Variants in MROH7 observed in about 807,000 individuals in gnomAD.
The protein encoded by MROH7 is maestro heat like repeat family member 7, also known as maestro heat-like repeat-containing protein family member 7.
A neutral mutation model predicts 129.2 loss-of-function variants in MROH7; 113 were observed. The ratio of observed to expected loss-of-function variants is 0.87; its 90% CI spans 0.75 to 1.02. The LOEUF (loss-of-function observed/expected upper bound fraction) is 1.02. Among genes scored for constraint, MROH7 ranks in the 50% least tolerant of loss-of-function variants. The pLI is 0.00. For synonymous variants in MROH7, 655 were observed against 667.9 expected (o/e 0.98, Z 0.30); for missense variants, 1,601 against 1,671.3 (o/e 0.96, Z 0.73).
At chr1:54,648,405 G>T (rs1345294653) in intron 1 of MROH7, among the ~76,000 whole-genome samples, 2 of 150,114 alleles carry the variant, frequency 1.3e-5, no homozygotes. Context: ...CGCTCCTGTT[G>T]CCCAGGCTAG....
intron 1 of MROH7, among the ~76,000 whole-genome samples, chr1:54,645,809 C>T (rs1222612095): frequency 1.3e-5 from 2 of 151,738 alleles, no homozygotes; most frequent in South Asian, 2.1e-4. Flanking sequence ...CACACCACCA[C>T]ACCTGGCTAA....
intron 5 of MROH7, among the ~76,000 whole-genome samples, chr1:54,669,774 T>A (rs556145348): frequency 5.3e-5 from 8 of 150,564 alleles, no homozygotes; most frequent in African/African-American, 2.0e-4. Context: ...CCAAGGCAGG[T>A]GGATCCCTTG....
Position 54,700,414 on chromosome 1 carries a change from G to A in MROH7, c.3058G>A (p.Val1020Met). Residue 1020 changes from valine to methionine, a missense_variant, in exon 18 of 24, where the codon GTG becomes ATG. By Grantham distance (21) the Val-to-Met change is conservative. Transcript: ENST00000421030. ...GLSHHDPIMKVLSIRGLVILA... is the reference protein window; with the variant it reads ...GLSHHDPIMKMLSIRGLVILA... ...GAGCCACCACGACCCCATCATGAAG[G>A]TGCTGTCCATTCGAGGCCTGGTCAT... 6.2e-7 allele frequency: 1 copy of A among 1,612,850 alleles called. No individual in the cohort carries two copies.
At chr1:54,670,248 G>C (rs1166347878) in intron 5 of MROH7, among the ~76,000 whole-genome samples, 4 of 152,096 alleles carry the variant, frequency 2.6e-5, no homozygotes, top group Admixed American at 2.0e-4. Context: ...GCAGGAGGAT[G>C]GCTTGAGCTC....
At chr1:54,665,087 G>T in intron 3 of MROH7, 80 bp from the exon 4 acceptor site, 10 of 1,071,988 alleles carry the variant, frequency 9.3e-6, no homozygotes, top group Non-Finnish European at 1.3e-5. Context: ...GTGCCTAGAG[G>T]GGGAGGAGAG....
chr1:54,662,950 A>G (rs1413557440), intron 3 of MROH7, among the ~76,000 whole-genome samples: 3 of 152,186 alleles, frequency 2.0e-5, no homozygotes, highest in South Asian at 2.1e-4. Flanking sequence ...GATTCAGGCC[A>G]TGCATTTTTG....
chr1:54,665,241 G>T lies in MROH7; in HGVS notation c.1305+1G>T. 4 of 1,613,102 alleles carry T rather than the reference G, an allele frequency of 2.5e-6. No homozygotes were observed. The highest frequency in any genetic ancestry group is 2.5e-6 in the Non-Finnish European group (3 of 1,179,334). ...AGAAGGTGGCAACAACATGGCTCTG[G>T]TATGCCTCCTGCCCAACCCCTAGCT... On this transcript the variant is annotated splice_donor_variant, in intron 4 of 23. Transcript: ENST00000421030. LOFTEE classifies it high-confidence loss of function.
rs757560960 is a variant in MROH7 at position 54,653,594 on chromosome 1, G to T, written c.668G>T (p.Arg223Ile). The change falls in exon 3 of 24, where the codon AGA (arginine) becomes ATA (isoleucine). Residue 223 changes from arginine (R) to isoleucine (I), a missense_variant. Physicochemically the swap from Arg to Ile is moderately conservative, Grantham distance 97. Transcript: ENST00000421030. ...AATCCATTGCTCAACATGGGCTCAA[G>T]AAACACCTCCAAGCTGAACCTGAAT... ...DSNPLLNMGS[R>I]NTSKLNLNVA... is the part of the protein sequence containing the mutation. 4.3e-6 allele frequency: 7 copies of T among 1,613,996 alleles called. No individual in the cohort carries two copies. The African/African-American group carries it at 9.3e-5, about 22-fold the overall frequency.
Position 54,674,073 on chromosome 1 carries a change from G to C in MROH7, c.1858G>C (p.Gly620Arg). The change falls in exon 10 of 24, where the codon GGG (glycine) becomes CGG (arginine). Residue 620 changes from glycine (G) to arginine (R), a missense_variant. Physicochemically the swap from Gly to Arg is moderately radical, Grantham distance 125. Coordinates refer to ENST00000421030, the MANE Select transcript of MROH7 (RefSeq NM_001039464.4). ...GCTGGGGAGACTCATCCTTCACATT[G>C]GGGATCCTGATGAGGAGATTGGCTG... Reference protein sequence around the residue: ...LLLGRLILHIGDPDEEIGCEA... With the variant: ...LLLGRLILHIRDPDEEIGCEA... The C allele has an allele frequency of 6.2e-7, 1 of 1,613,964 alleles. No homozygotes were observed.
intron 15 of MROH7, among the ~76,000 whole-genome samples, chr1:54,688,866 A>G (rs1388565891): frequency 2.0e-5 from 3 of 152,186 alleles, no homozygotes; most frequent in Admixed American, 6.5e-5. Context: ...CCTTGGAGTG[A>G]TGAAAGGTAT....
At chr1:54,670,746 T>C (rs1435604607) in intron 6 of MROH7, 54 bp from the exon 7 acceptor site, 60 of 1,496,538 alleles carry the variant, frequency 4.0e-5, no homozygotes, top group Non-Finnish European at 4.9e-5. Flanking sequence ...CCCCCGTCTA[T>C]AGCCATAGGG....
At chr1:54,685,664 G>T (rs1227896427) in intron 14 of MROH7, among the ~76,000 whole-genome samples, 3 of 152,214 alleles carry the variant, frequency 2.0e-5, no homozygotes, top group Admixed American at 6.5e-5. Flanking sequence ...TGGGGGCAGA[G>T]CTGGCACTTG....
intron 17 of MROH7, chr1:54,697,961 C>T (rs768832470): frequency 7.7e-5 from 30 of 389,540 alleles, no homozygotes; most frequent in Middle Eastern, 6.5e-4. Context: ...GCAGCCCTTC[C>T]GCCCTGCAGC....
At position 54,688,851 on chromosome 1, in the gene MROH7, C is replaced by A. The variant is rs1011063459; in HGVS notation, c.2711+2403C>A. ...GGAGGAACACATATGGGAAAAAATT[C>A]TTGACCTTGGAGTGATGAAAGGTAT... On this transcript the variant is annotated intron_variant, in intron 15 of 23. Transcript: ENST00000421030. Among the ~76,000 whole-genome samples the A allele has an allele frequency of 2.2e-4, 33 of 152,208 alleles. No homozygotes were observed. The East Asian group carries it at 5.6e-3, about 26-fold the overall frequency.
intron 3 of MROH7, among the ~76,000 whole-genome samples, chr1:54,660,188 C>G (rs1460356486): frequency 6.6e-6 from 1 of 152,180 alleles, no homozygotes; most frequent in Non-Finnish European, 1.5e-5. Context: ...AGTCCAAGAT[C>G]AAGGCAGCAG....
Position 54,667,772 on chromosome 1 carries a change from TA to T in MROH7, c.1306-1068del, listed in dbSNP as rs36015308. Among the ~76,000 whole-genome samples, 1,404 of 144,894 alleles carry T rather than the reference TA, an allele frequency of 9.7e-3. 12 individuals carry two copies. Among genetic ancestry groups the T allele is most frequent in the African/African-American group, 0.026 (1,044 of 39,762 alleles). ...TGCCCAGCTACAAAAATTTACAAAG[TA>T]AAAAAAAAAAAAATCAGCTGGGCAT... On this transcript the variant is annotated intron_variant, in intron 4 of 23. Transcript: ENST00000421030.
chr1:54,653,281 G>C lies in MROH7; in HGVS notation c.355G>C (p.Gly119Arg). ...SKDVSRPDSQ[G>R]RLCPASNPIL... The stretch of plus-strand genomic sequence containing the variant: ...GGATGTCTCAAGGCCTGACTCACAG[G>C]GGCGCCTCTGTCCAGCCTCAAACCC... Residue 119 changes from glycine to arginine, a missense_variant, in exon 3 of 24, where the codon GGG (glycine) becomes CGG (arginine). By Grantham distance (125) the Gly-to-Arg change is moderately radical. Transcript: ENST00000421030. 1.9e-6 allele frequency: 3 copies of C among 1,614,104 alleles called. No homozygotes were observed. Among genetic ancestry groups the C allele is most frequent in the Middle Eastern group, 1.6e-4 (1 of 6,062 alleles).
At chr1:54,692,389 G>A (rs748486377) in intron 15 of MROH7, 35 bp from the exon 16 acceptor site, 2 of 1,610,716 alleles carry the variant, frequency 1.2e-6, no homozygotes, top group East Asian at 2.2e-5. Context: ...TAGGGCCCAG[G>A]TAGGCATGAG....
intron 10 of MROH7, among the ~76,000 whole-genome samples, chr1:54,677,592 T>G (rs1645002203): frequency 6.6e-6 from 1 of 152,210 alleles, no homozygotes; most frequent in Non-Finnish European, 1.5e-5. Context: ...TTGGCCTGAC[T>G]GCAGGTATCC....
Sources: gnomAD v4.1 joint callset for allele counts (sites outside exome capture counted in the v4.1 genomes callset) on GRCh38, gnomAD v4.1.1 for gene constraint, MANE v1.5 for transcripts, NCBI Gene and HGNC (gene_info 2026-07-23, HGNC 2026-07-21) for gene names.